The following COL4A3 variants were observed in gnomAD, a reference collection of about 807,000 sequenced individuals.
COL4A3 encodes collagen type IV alpha 3 chain.
In COL4A3, 135 loss-of-function variants were observed where a neutral mutation model predicts 217.4. That is an observed-to-expected ratio of 0.62 (90% CI 0.54 to 0.72). The LOEUF (loss-of-function observed/expected upper bound fraction) is 0.72, where lower values mean the gene tolerates loss of function less well. COL4A3 is among the 30% of genes least tolerant of loss of function. COL4A3 has a pLI of 0.00. For synonymous variants in COL4A3, 690 were observed against 736.3 expected, an observed-to-expected ratio of 0.94 and a Z score of 1.02; for missense variants, 1,868 against 2,119.9, an observed-to-expected ratio of 0.88 and a Z score of 2.33.
chr2:227,244,382 T>G lies in COL4A3; in HGVS notation c.279+18T>G, dbSNP rs543631025. Reference sequence around the variant, plus strand: ...GTGTAAGGGTTAGTAGTCCAACCAGTCCACCCTGATCGTTAAAAGATCAGC... The same window carrying G: ...GTGTAAGGGTTAGTAGTCCAACCAGGCCACCCTGATCGTTAAAAGATCAGC... On this transcript the variant is annotated intron_variant, in intron 4 of 51. Transcript: ENST00000396578. 3 of 1,611,700 alleles carry G rather than the reference T, an allele frequency of 1.9e-6. No individual in the cohort carries two copies. The highest frequency in any genetic ancestry group is 3.3e-5 in the Admixed American group (2 of 59,972).
chr2:227,235,007 A>G (rs978647284), intron 1 of COL4A3, among the ~76,000 whole-genome samples: 2 of 152,168 alleles, frequency 1.3e-5, no homozygotes, highest in Non-Finnish European at 2.9e-5. Context: ...ACTTGAGCCC[A>G]AGGTCCATGC....
chr2:227,267,096 CA>C lies in COL4A3; in HGVS notation c.1504+10del, dbSNP rs960238456. ...GTGTAAAAGGAATCCCAGGTACAAA[CA>C]ATTTGCATGCAAGTGTTTTTGCAAG... On this transcript the variant is annotated intron_variant, in intron 23 of 51. Transcript: ENST00000396578. The C allele has an allele frequency of 5.0e-6, 8 of 1,604,610 alleles. No homozygotes were observed. The African/African-American group carries it at 1.1e-4, about 21-fold the overall frequency.
At chr2:227,183,991 A>T (rs1044839554) in intron 1 of COL4A3, among the ~76,000 whole-genome samples, 3 of 152,022 alleles carry the variant, frequency 2.0e-5, no homozygotes, top group African/African-American at 4.8e-5. Flanking sequence ...CTTTTCTTCA[A>T]TTTCTATGTG....
At chr2:227,192,686 GAGA>G (rs1352615370) in intron 1 of COL4A3, among the ~76,000 whole-genome samples, 1 of 152,188 alleles carries the variant, frequency 6.6e-6, no homozygotes, top group African/African-American at 2.4e-5. Context: ...GAAGGGTGGG[GAGA>G]AGGTTAGGGG....
Position 227,253,675 on chromosome 2 carries a change from C to T in COL4A3, c.765+37C>T, listed in dbSNP as rs2069943206. ...ATTTTATGATTAGTGTTGTGCCTTC[C>T]CGTGTCTAGGATGAAGTCCTTGTGA... is the stretch of plus-strand genomic sequence containing the variant. On this transcript the variant is annotated intron_variant, in intron 13 of 51. Coordinates refer to ENST00000396578, the MANE Select transcript of COL4A3 (RefSeq NM_000091.5). This position sits in a 1 kb window ranked among gnomAD's most constrained non-coding sequence, Gnocchi z 4.4. The T allele has an allele frequency of 6.4e-7, 1 of 1,558,732 alleles. No individual in the cohort carries two copies. The highest frequency in any genetic ancestry group is 1.4e-5 in the African/African-American group (1 of 73,628).
At chr2:227,246,920 T>C (rs2069385531) in intron 7 of COL4A3, 182 bp downstream of exon 7, 1 of 720,178 alleles carries the variant, frequency 1.4e-6, no homozygotes, top group East Asian at 2.7e-5. Flanking sequence ...GGATTAGAGG[T>C]TGAGGCTTTG....
intron 3 of COL4A3, among the ~76,000 whole-genome samples, chr2:227,242,325 G>A (rs924014940): frequency 7.9e-5 from 12 of 152,178 alleles, no homozygotes; most frequent in African/African-American, 2.7e-4. Context: ...CACAGGAGAA[G>A]GTCCAGAAGG....
At chr2:227,218,511 A>G (rs532222645) in intron 1 of COL4A3, among the ~76,000 whole-genome samples, 1 of 152,224 alleles carries the variant, frequency 6.6e-6, no homozygotes, top group South Asian at 2.1e-4. Flanking sequence ...TGCATTTTTT[A>G]TTAGGATATG....
intron 1 of COL4A3, among the ~76,000 whole-genome samples, chr2:227,233,581 T>C (rs1432576471): frequency 1.3e-5 from 2 of 152,228 alleles, no homozygotes; most frequent in East Asian, 1.9e-4. Context: ...TCAGCTATCA[T>C]ATAGAAATTC....
chr2:227,211,617 C>T (rs2067323933), intron 1 of COL4A3, among the ~76,000 whole-genome samples: 1 of 150,558 alleles, frequency 6.6e-6, no homozygotes, highest in Admixed American at 6.6e-5. Context: ...TTTCTCCTTG[C>T]CTTCACTAAC....
At position 227,276,460 on chromosome 2, in the gene COL4A3, G is replaced by A; in HGVS notation, c.2003G>A (p.Gly668Asp). Residue 668 changes from glycine (G) to aspartate (D), a missense_variant, in exon 27 of 52, where the codon GGC (glycine) becomes GAC (aspartate). By Grantham distance (94) the Gly-to-Asp change is moderately conservative. Transcript: ENST00000396578. ...CCTCCAGGGCCCCCTGGCCATCCTGGCCCCCAAGGTCCACCTGGTAAGTAT... is the reference window on the plus strand; with the variant it reads ...CCTCCAGGGCCCCCTGGCCATCCTGACCCCCAAGGTCCACCTGGTAAGTAT... ...PGPPGPPGHP[G>D]PQGPPGIPGS... 6.2e-7 allele frequency: 1 copy of A among 1,613,970 alleles called. No individual in the cohort carries two copies. Among genetic ancestry groups the A allele is most frequent in the Non-Finnish European group, 8.5e-7 (1 of 1,179,906 alleles).
intron 20 of COL4A3, among the ~76,000 whole-genome samples, chr2:227,261,971 G>GA (rs2070601771): frequency 2.0e-5 from 3 of 152,076 alleles, no homozygotes; most frequent in African/African-American, 7.2e-5. Context: ...ACAAAACTAA[G>GA]AAAAAAGAGC....
At chr2:227,295,190 T>G (rs1482414368) in intron 40 of COL4A3, 79 bp from the exon 41 acceptor site, 2 of 1,524,920 alleles carry the variant, frequency 1.3e-6, no homozygotes, top group Non-Finnish European at 1.8e-6. Context: ...ATGTTTTCGG[T>G]GTGTACTAAA....
chr2:227,234,625 C>T lies in COL4A3; in HGVS notation c.88-3343C>T, dbSNP rs77282841. Among the ~76,000 whole-genome samples the T allele has an allele frequency of 1.4e-4, 21 of 152,286 alleles. No individual in the cohort carries two copies. In the East Asian group the frequency reaches 2.5e-3, roughly 18 times the overall value. On this transcript the variant is annotated intron_variant, in intron 1 of 51. Transcript: ENST00000396578. ...AGATACCAGTGTGACTATGACTGCACAATTCCTTCTCTCCTGGGACAAACA... is the reference window on the plus strand; with the variant it reads ...AGATACCAGTGTGACTATGACTGCATAATTCCTTCTCTCCTGGGACAAACA...
At chr2:227,238,460 A>T (rs2068824839) in intron 2 of COL4A3, among the ~76,000 whole-genome samples, 1 of 152,210 alleles carries the variant, frequency 6.6e-6, no homozygotes, top group South Asian at 2.1e-4. Flanking sequence ...CCTGGTGGAG[A>T]AATCCCACAG....
At chr2:227,263,674 T>C (rs571377773) in intron 20 of COL4A3, 106 bp from the exon 21 acceptor site, 15 of 1,164,966 alleles carry the variant, frequency 1.3e-5, no homozygotes, top group East Asian at 2.6e-5. Context: ...TACCTCTCCA[T>C]TGTGCAATTT....
chr2:227,205,620 A>G (rs1056491377), intron 1 of COL4A3, among the ~76,000 whole-genome samples: 2 of 152,196 alleles, frequency 1.3e-5, no homozygotes, highest in Non-Finnish European at 2.9e-5. Context: ...AAACAAGTAA[A>G]TAACTTCAAA....
At chr2:227,184,156 C>G (rs2065942123) in intron 1 of COL4A3, among the ~76,000 whole-genome samples, 1 of 152,164 alleles carries the variant, frequency 6.6e-6, no homozygotes, top group Admixed American at 6.5e-5. Flanking sequence ...TCTGCCTCAG[C>G]CAAGAAGCCT....
chr2:227,181,698 T>C (rs1218685498), intron 1 of COL4A3, among the ~76,000 whole-genome samples: 1 of 152,222 alleles, frequency 6.6e-6, no homozygotes, highest in Admixed American at 6.5e-5. Flanking sequence ...CTCACATCAG[T>C]AAATATCCCT....
Sources: allele counts gnomAD v4.1 joint callset (sites outside exome capture counted in the v4.1 genomes callset), GRCh38; gene constraint gnomAD v4.1.1; non-coding constraint Gnocchi (gnomAD v3.1); transcripts MANE v1.5; gene names NCBI Gene and HGNC (gene_info 2026-07-23, HGNC 2026-07-21).